Variants in ARHGAP19 observed in about 807,000 individuals in gnomAD.
ARHGAP19 encodes Rho GTPase activating protein 19, also known as rho GTPase-activating protein 19.
Under a neutral mutation model 60.9 loss-of-function variants are expected in ARHGAP19, and 48 were observed. The observed-to-expected ratio is 0.79, with a 90% CI of 0.62 to 1.00. The LOEUF (loss-of-function observed/expected upper bound fraction) is 1.00, where lower values mean the gene tolerates loss of function less well. Among genes scored for constraint, ARHGAP19 ranks in the 50% least tolerant of loss-of-function variants. ARHGAP19 has a pLI of 0.00. For synonymous variants in ARHGAP19, 209 were observed against 215.5 expected, an observed-to-expected ratio of 0.97 and a Z score of 0.27; for missense variants, 562 against 597.2, an observed-to-expected ratio of 0.94 and a Z score of 0.61.
chr10:97,227,936 T>A (rs1850928760), intron 11 of ARHGAP19, among the ~76,000 whole-genome samples: 1 of 152,248 alleles, frequency 6.6e-6, no homozygotes, highest in Non-Finnish European at 1.5e-5. Context: ...TATTTCCGCA[T>A]GTCTTTCAAA....
intron 1 of ARHGAP19, among the ~76,000 whole-genome samples, chr10:97,282,839 CTTTTTTTT>C (rs56387291): frequency 1.4e-4 from 13 of 90,992 alleles, no homozygotes; most frequent in Admixed American, 6.6e-4. Context: ...TTTCTTTTTT[CTTTTTTTT>C]TTTTTTTTTT....
intron 6 of ARHGAP19, among the ~76,000 whole-genome samples, chr10:97,255,208 A>T (rs1489159797): frequency 6.6e-6 from 1 of 152,234 alleles, no homozygotes; most frequent in African/African-American, 2.4e-5. Flanking sequence ...AATGGTTAAG[A>T]TGGCAAATTT....
At chr10:97,289,643 T>C (rs886564821) in intron 1 of ARHGAP19, among the ~76,000 whole-genome samples, 1 of 151,918 alleles carries the variant, frequency 6.6e-6, no homozygotes, top group Admixed American at 6.6e-5. Context: ...AAGACCACCC[T>C]GGGCAACATG....
At chr10:97,285,495 G>A (rs1391449764) in intron 1 of ARHGAP19, among the ~76,000 whole-genome samples, 1 of 141,732 alleles carries the variant, frequency 7.1e-6, no homozygotes, top group Non-Finnish European at 1.5e-5. Flanking sequence ...ACCATACCTA[G>A]ATAATTTTCT....
At chr10:97,249,641 T>C (rs893223162) in intron 6 of ARHGAP19, among the ~76,000 whole-genome samples, 3 of 151,964 alleles carry the variant, frequency 2.0e-5, no homozygotes, top group South Asian at 2.1e-4. Flanking sequence ...AAAAGTGTCA[T>C]AATAATTAAA....
chr10:97,246,935 C>T (rs1191539613), intron 6 of ARHGAP19, among the ~76,000 whole-genome samples: 38 of 151,944 alleles, frequency 2.5e-4, no homozygotes, highest in African/African-American at 9.2e-4. Flanking sequence ...GTCAGGAGTT[C>T]GAGACCAGCC....
chr10:97,226,786 A>T (rs1431207992), intron 11 of ARHGAP19, among the ~76,000 whole-genome samples: 3 of 152,224 alleles, frequency 2.0e-5, no homozygotes, highest in Non-Finnish European at 4.4e-5. Flanking sequence ...CAAAGGAAAA[A>T]GTATTATATT....
chr10:97,284,902 C>T (rs1474156989), intron 1 of ARHGAP19, among the ~76,000 whole-genome samples: 2 of 139,078 alleles, frequency 1.4e-5, no homozygotes, highest in East Asian at 2.1e-4. Flanking sequence ...CTCGCTGTGT[C>T]GCCCAGGCTG....
chr10:97,249,268 T>C (rs1489358254), intron 6 of ARHGAP19, among the ~76,000 whole-genome samples: 1 of 152,200 alleles, frequency 6.6e-6, no homozygotes, highest in African/African-American at 2.4e-5. Flanking sequence ...GTAATCACTC[T>C]ACAGGTTATT....
chr10:97,253,789 G>T (rs1239689147), intron 6 of ARHGAP19, among the ~76,000 whole-genome samples: 1 of 152,036 alleles, frequency 6.6e-6, no homozygotes, highest in Non-Finnish European at 1.5e-5. Context: ...TCAATAAAAA[G>T]TTTACCAAAA....
chr10:97,235,234 A>T lies in ARHGAP19; in HGVS notation c.1267T>A (p.Phe423Ile). The T allele has an allele frequency of 1.2e-6, 2 of 1,613,436 alleles. No individual in the cohort carries two copies. Among genetic ancestry groups the T allele is most frequent in the Non-Finnish European group, 1.7e-6 (2 of 1,179,420 alleles). ...QVQKRARSRS[F>I]SGLIKRKVLG... The stretch of plus-strand genomic sequence containing the variant: ...ATACCTACCTTAATAAGCCCACTGA[A>T]GGAGCGCGAACGAGCCCTCTTTTGT... The change falls in exon 9 of 12, where the codon TTC becomes ATC. Residue 423 changes from phenylalanine to isoleucine, a missense_variant. Physicochemically the swap from Phe to Ile is conservative, Grantham distance 21. Coordinates refer to ENST00000358531, the MANE Select transcript of ARHGAP19 (RefSeq NM_032900.6).
At chr10:97,256,593 T>C in intron 5 of ARHGAP19, 189 bp from the exon 6 acceptor site, 1 of 456,978 alleles carries the variant, frequency 2.2e-6, no homozygotes, top group Non-Finnish European at 3.9e-6. Flanking sequence ...AATGTGTCCC[T>C]GAAGTGACGA....
chr10:97,261,496 T>C (rs1266485895), intron 4 of ARHGAP19, among the ~76,000 whole-genome samples: 3 of 152,178 alleles, frequency 2.0e-5, no homozygotes, highest in Non-Finnish European at 4.4e-5. Context: ...GCATCCTTCA[T>C]GTTAACACTT....
At chr10:97,231,224 G>A (rs564368966) in intron 9 of ARHGAP19, among the ~76,000 whole-genome samples, 168 of 152,142 alleles carry the variant, frequency 1.1e-3, no homozygotes, top group Admixed American at 2.3e-3. Context: ...AACGATGTTC[G>A]TTTTACTAGC....
chr10:97,231,015 CCA>C (rs1252130796), intron 9 of ARHGAP19, among the ~76,000 whole-genome samples: 2 of 94,914 alleles, frequency 2.1e-5, no homozygotes, highest in African/African-American at 7.5e-5. Flanking sequence ...TGAGATCATG[CCA>C]CTGCACTCCA....
chr10:97,262,075 G>A (rs2134882398), intron 4 of ARHGAP19, among the ~76,000 whole-genome samples: 1 of 152,178 alleles, frequency 6.6e-6, no homozygotes, highest in South Asian at 2.1e-4. Context: ...CACTGGTCTG[G>A]GGGCTGCGGC....
chr10:97,235,287 G>C lies in ARHGAP19; in HGVS notation c.1214C>G (p.Pro405Arg), dbSNP rs1851109314. Residue 405 changes from proline to arginine, a missense_variant, in exon 9 of 12, where the codon CCA (proline) becomes CGA (arginine). Coordinates refer to ENST00000358531, the MANE Select transcript of ARHGAP19 (RefSeq NM_032900.6). The stretch of plus-strand genomic sequence containing the variant: ...CTGGGAAGTAGAAGGTTCTCGCCCT[G>C]GTGTCTGGGTCAATGATTGCTTATT... ...QFNKQSLTQT[P>R]GREPSTSQVQ... The C allele has an allele frequency of 6.2e-7, 1 of 1,613,390 alleles. No individual in the cohort carries two copies. The highest frequency in any genetic ancestry group is 1.3e-5 in the African/African-American group (1 of 74,866).
chr10:97,289,943 T>G (rs1843208485), intron 1 of ARHGAP19, among the ~76,000 whole-genome samples: 1 of 152,136 alleles, frequency 6.6e-6, no homozygotes, highest in Non-Finnish European at 1.5e-5. Context: ...AGTATTTTAT[T>G]TGTCCTCAGA....
intron 8 of ARHGAP19, among the ~76,000 whole-genome samples, chr10:97,237,744 G>A (rs1003443557): frequency 6.6e-6 from 1 of 151,904 alleles, no homozygotes; most frequent in African/African-American, 2.4e-5. Context: ...GGTGGTGGGC[G>A]CCTGTAATCC....
Sources: allele counts gnomAD v4.1 joint callset (sites outside exome capture counted in the v4.1 genomes callset), GRCh38; gene constraint gnomAD v4.1.1; transcripts MANE v1.5; gene names NCBI Gene and HGNC (gene_info 2026-07-23, HGNC 2026-07-21).